IL20RA: variants seen among roughly 807,000 people sequenced by gnomAD.
IL20RA encodes interleukin 20 receptor subunit alpha.
A neutral mutation model predicts 36.5 loss-of-function variants in IL20RA; 29 were observed. The observed-to-expected ratio is 0.79, with a 90% CI of 0.59 to 1.08. The LOEUF (loss-of-function observed/expected upper bound fraction) is 1.08, where lower values mean the gene tolerates loss of function less well. Among genes scored for constraint, IL20RA ranks in the 50% least tolerant of loss-of-function variants. The pLI is 0.00. For missense variants in IL20RA, 652 were observed against 668.4 expected (o/e 0.98, Z 0.27); for synonymous variants, 279 against 267.1 (o/e 1.04, Z -0.43).
At position 137,001,749 on chromosome 6, in the gene IL20RA, T is replaced by C; in HGVS notation, c.1471A>G (p.Ile491Val). ...DWDPQTGRLC[I>V]PSLSSFDQDS... Reference sequence around the variant, plus strand: ...TGGTCGAAGCTGGACAGCGAAGGAATACACAGCCTGCCAGTTTGGGGATCC... The same window carrying C: ...TGGTCGAAGCTGGACAGCGAAGGAACACACAGCCTGCCAGTTTGGGGATCC... Residue 491 changes from isoleucine (I) to valine (V), a missense_variant, in exon 7 of 7, where the codon ATT becomes GTT. Physicochemically the swap from Ile to Val is conservative, Grantham distance 29. Transcript: ENST00000316649. 2.5e-6 allele frequency: 4 copies of C among 1,613,166 alleles called. No individual in the cohort carries two copies. Among genetic ancestry groups the C allele is most frequent in the Non-Finnish European group, 3.4e-6 (4 of 1,179,362 alleles).
Position 137,004,609 on chromosome 6 carries a change from C to G in IL20RA, c.864+12G>C. 1 of 1,613,262 alleles carries G rather than the reference C, an allele frequency of 6.2e-7. No individual in the cohort carries two copies. Among genetic ancestry groups the G allele is most frequent in the Non-Finnish European group, 8.5e-7 (1 of 1,179,412 alleles). On this transcript the variant is annotated intron_variant, in intron 6 of 6. Transcript: ENST00000316649. ...TATTATAATAAAGAACCCTGCCACA[C>G]CAAGTACTCACCAAATTTGCTGGGT...
chr6:137,032,026 C>T (rs2115416416), intron 1 of IL20RA, among the ~76,000 whole-genome samples: 1 of 136,526 alleles, frequency 7.3e-6, no homozygotes, highest in South Asian at 2.3e-4. Context: ...GCACTCCAGC[C>T]TGGGCGACAG....
At chr6:137,029,532 T>A (rs574758864) in intron 1 of IL20RA, among the ~76,000 whole-genome samples, 3 of 152,200 alleles carry the variant, frequency 2.0e-5, no homozygotes, top group African/African-American at 7.2e-5. Context: ...TAAAATAAAC[T>A]TTTTGAGAGT....
At chr6:137,035,159 A>G (rs1006171409) in intron 1 of IL20RA, among the ~76,000 whole-genome samples, 1 of 152,158 alleles carries the variant, frequency 6.6e-6, no homozygotes, top group African/African-American at 2.4e-5. Context: ...TTTATATAAC[A>G]TAGATGGCAA....
intron 1 of IL20RA, chr6:137,044,313 G>C: frequency 9.7e-7 from 1 of 1,028,060 alleles, no homozygotes; most frequent in Non-Finnish European, 1.2e-6. Flanking sequence ...GTCCCCGACC[G>C]CAAGTCATAG....
chr6:137,005,288 G>A (rs1775239619), intron 5 of IL20RA, among the ~76,000 whole-genome samples: 1 of 152,202 alleles, frequency 6.6e-6, no homozygotes, highest in South Asian at 2.1e-4. Context: ...CTGTTTGGCT[G>A]GACTTTCTGG....
At chr6:137,005,613 C>T (rs1247697739) in intron 5 of IL20RA, among the ~76,000 whole-genome samples, 1 of 152,080 alleles carries the variant, frequency 6.6e-6, no homozygotes, top group African/African-American at 2.4e-5. Flanking sequence ...AGATATTTGG[C>T]TAAACATTAT....
chr6:137,014,517 T>C (rs1252287406), intron 2 of IL20RA, among the ~76,000 whole-genome samples: 1 of 152,234 alleles, frequency 6.6e-6, no homozygotes, highest in African/African-American at 2.4e-5. Flanking sequence ...TGAAGTGAGA[T>C]TAAAGAAACT....
At chr6:137,024,290 A>G (rs1020017236) in intron 1 of IL20RA, among the ~76,000 whole-genome samples, 3 of 152,230 alleles carry the variant, frequency 2.0e-5, no homozygotes, top group Admixed American at 1.3e-4. Context: ...ATTTCAATGG[A>G]GAGAAATCAA....
At chr6:137,009,091 C>T (rs1775378882) in intron 4 of IL20RA, 2 of 603,436 alleles carry the variant, frequency 3.3e-6, no homozygotes, top group Non-Finnish European at 5.9e-6. Flanking sequence ...AATCTCTCTA[C>T]ACTCCAATAA....
intron 1 of IL20RA, among the ~76,000 whole-genome samples, chr6:137,026,082 T>C (rs1776079258): frequency 6.6e-6 from 1 of 152,196 alleles, no homozygotes; most frequent in African/African-American, 2.4e-5. Flanking sequence ...AGACTCCCCT[T>C]TGGGACCATT....
intron 5 of IL20RA, 34 bp downstream of exon 5, chr6:137,008,565 C>A: frequency 6.5e-7 from 1 of 1,546,832 alleles, no homozygotes. Flanking sequence ...AGCAGATCTC[C>A]TTCCTAGACC....
chr6:137,015,704 C>T (rs60822760), intron 2 of IL20RA, among the ~76,000 whole-genome samples: 11,608 of 152,148 alleles, frequency 0.076, 1,499 homozygotes, highest in African/African-American at 0.26. Flanking sequence ...ATTGTCCAGA[C>T]TGGAGAGCAG....
At chr6:137,032,471 C>T (rs529234576) in intron 1 of IL20RA, among the ~76,000 whole-genome samples, 5 of 152,224 alleles carry the variant, frequency 3.3e-5, no homozygotes, top group South Asian at 2.1e-4. Context: ...GGGCAGTGGA[C>T]GAGGAGGGGC....
At chr6:137,032,065 A>G (rs1776309792) in intron 1 of IL20RA, among the ~76,000 whole-genome samples, 1 of 151,060 alleles carries the variant, frequency 6.6e-6, no homozygotes, top group Admixed American at 6.6e-5. Context: ...AAAAAAAAAA[A>G]AAAAAAGAAA....
chr6:137,040,300 A>ATG (rs34826101), intron 1 of IL20RA, among the ~76,000 whole-genome samples: 25,405 of 151,810 alleles, frequency 0.17, 2,735 homozygotes, highest in East Asian at 0.32. Context: ...AGAAATATAG[A>ATG]TGTGTGTGTA....
intron 6 of IL20RA, among the ~76,000 whole-genome samples, chr6:137,004,160 T>TTTTTTTTTTTTTTG (rs1775183820): frequency 6.4e-4 from 36 of 55,814 alleles, no homozygotes; most frequent in East Asian, 1.1e-3. Context: ...TCCAGAAAGC[T>TTTTTTTTTTTTTTG]TTTTTTTTTT....
At chr6:137,009,193 G>A (rs933574224) in intron 4 of IL20RA, 124 bp downstream of exon 4, 170 of 853,394 alleles carry the variant, frequency 2.0e-4, no homozygotes, top group Admixed American at 5.3e-4. Flanking sequence ...TTTGTGCGGC[G>A]TATCTTTTGA....
intron 1 of IL20RA, among the ~76,000 whole-genome samples, chr6:137,034,784 T>C (rs1360808049): frequency 4.1e-5 from 6 of 145,310 alleles, no homozygotes; most frequent in South Asian, 2.2e-4. Context: ...ACTAAAAATA[T>C]AAAAAAAAAA....
Sources: gnomAD v4.1 joint callset for allele counts (sites outside exome capture counted in the v4.1 genomes callset) on GRCh38, gnomAD v4.1.1 for gene constraint, MANE v1.5 for transcripts, NCBI Gene and HGNC (gene_info 2026-07-23, HGNC 2026-07-21) for gene names.